Variants in MDN1 observed in about 807,000 individuals in gnomAD.
The protein encoded by MDN1 is midasin AAA ATPase 1.
Under a neutral mutation model 669.2 loss-of-function variants are expected in MDN1, and 266 were observed. That is an observed-to-expected ratio of 0.40 (90% CI 0.36 to 0.44). The LOEUF (loss-of-function observed/expected upper bound fraction) is 0.44. MDN1 is among the 20% of genes least tolerant of loss of function. The pLI, the probability that MDN1 is intolerant of heterozygous loss-of-function variation, is 1.00. For missense variants in MDN1, 5,940 were observed against 6,754.0 expected (o/e 0.88, Z 4.22); for synonymous variants, 2,385 against 2,457.1 (o/e 0.97, Z 0.87).
At chr6:89,777,550 G>C (rs1584355511) in intron 11 of MDN1, among the ~76,000 whole-genome samples, 2 of 152,288 alleles carry the variant, frequency 1.3e-5, no homozygotes, top group African/African-American at 4.8e-5. Flanking sequence ...TTAGGATTAT[G>C]GGAGGGGCCT....
In MDN1 at chr6:89,758,893, G is replaced by A. The variant is rs766408683; in HGVS notation, c.2528C>T (p.Pro843Leu). 5 of 1,613,934 alleles carry A rather than the reference G, an allele frequency of 3.1e-6. No homozygotes were observed. Among genetic ancestry groups the A allele is most frequent in the Non-Finnish European group, 4.2e-6 (5 of 1,179,956 alleles). ...ACCACTCAGACATTCTAGTATTTCT[G>A]GAGCAGCCAAGTTAATCTCATCCAA... Reference protein sequence around the residue: ...ILLDEINLAAPEILECLSGLL... With the variant: ...ILLDEINLAALEILECLSGLL... Residue 843 changes from proline to leucine, a missense_variant, in exon 18 of 102, where the codon CCA (proline) becomes CTA (leucine). Pro to Leu is a moderately conservative substitution (Grantham distance 98, BLOSUM62 -3). Around this residue, in one of 5 missense-constraint regions of MDN1, gnomAD observed 1,203 missense variants for 1,268.9 expected, o/e 0.95. Transcript: ENST00000369393.
At position 89,713,187 on chromosome 6, in the gene MDN1, T is replaced by C. The variant is rs1309766464; in HGVS notation, c.7179A>G (p.Glu2393=). Residue 2393 remains glutamate, a synonymous_variant, in exon 47 of 102, where the codon GAA becomes GAG. Coordinates refer to ENST00000369393, the MANE Select transcript of MDN1 (RefSeq NM_014611.3). ...LDRAFSEACW[E]VYVCSQHSPA... Reference sequence around the variant, plus strand: ...GTGAATGCTGGGAACAGACATATACTTCCCAGCATGCTTCAGAAAAGGCTC... The same window carrying C: ...GTGAATGCTGGGAACAGACATATACCTCCCAGCATGCTTCAGAAAAGGCTC... 3 of 1,614,098 alleles carry C rather than the reference T, an allele frequency of 1.9e-6. No homozygotes were observed. Among genetic ancestry groups the C allele is most frequent in the East Asian group, 2.2e-5 (1 of 44,868 alleles).
rs1325283326 is a variant in MDN1, at chr6:89,803,317, T to C, written c.329+11A>G. 3 of 1,608,108 alleles carry C rather than the reference T, an allele frequency of 1.9e-6. No individual in the cohort carries two copies. Among genetic ancestry groups the C allele is most frequent in the Non-Finnish European group, 1.7e-6 (2 of 1,174,610 alleles). On this transcript the variant is annotated intron_variant, in intron 2 of 101. Coordinates refer to ENST00000369393, the MANE Select transcript of MDN1 (RefSeq NM_014611.3). The stretch of plus-strand genomic sequence containing the variant: ...TCAAGGAGAAATGCGAATAATAAAA[T>C]TGCTACTCACGGGAGGACATCAGGA...
chr6:89,690,001 C>T lies in MDN1; in HGVS notation c.10892G>A (p.Cys3631Tyr), dbSNP rs1812277782. The T allele has an allele frequency of 2.5e-6, 4 of 1,614,176 alleles. No homozygotes were observed. Among genetic ancestry groups the T allele is most frequent in the Non-Finnish European group, 3.4e-6 (4 of 1,180,042 alleles). ...QAVMLIHQQLCLNFARSLWYQ... is the reference protein window; with the variant it reads ...QAVMLIHQQLYLNFARSLWYQ... Reference sequence around the variant, plus strand: ...CCAGAGGGATCGAGCAAAGTTGAGACACAATTGCTGGTGTATCAGCATTAC... The same window carrying T: ...CCAGAGGGATCGAGCAAAGTTGAGATACAATTGCTGGTGTATCAGCATTAC... Residue 3631 changes from cysteine (C) to tyrosine (Y), a missense_variant, in exon 65 of 102, where the codon TGT becomes TAT. This residue lies in a region of MDN1 where 2,280 missense variants were observed against 2,576.3 expected (regional missense o/e 0.88). Coordinates refer to ENST00000369393, the MANE Select transcript of MDN1 (RefSeq NM_014611.3).
chr6:89,704,252 G>A (rs1273740134), intron 53 of MDN1, among the ~76,000 whole-genome samples: 11 of 152,140 alleles, frequency 7.2e-5, no homozygotes, highest in East Asian at 3.9e-4. Context: ...GTGGTGGCAC[G>A]TGCCTGTAGT....
intron 46 of MDN1, among the ~76,000 whole-genome samples, chr6:89,714,105 T>C (rs1814160136): frequency 6.6e-6 from 1 of 151,878 alleles, no homozygotes; most frequent in South Asian, 2.1e-4. Context: ...AGAGTAGTTA[T>C]CCAACAAGCA....
intron 69 of MDN1, among the ~76,000 whole-genome samples, chr6:89,686,317 G>A (rs1812000570): frequency 6.6e-6 from 1 of 152,090 alleles, no homozygotes; most frequent in African/African-American, 2.4e-5. Context: ...CCCAGCTACT[G>A]AGAAGGCTGA....
rs552367115 is a variant in MDN1, at chr6:89,810,505, G to A, written c.103-6951C>T. Among the ~76,000 whole-genome samples, 11 of 152,184 alleles carry A rather than the reference G, an allele frequency of 7.2e-5. 1 individual carries two copies. The South Asian group carries it at 1.9e-3, about 26-fold the overall frequency. On this transcript the variant is annotated intron_variant, in intron 1 of 101. Transcript: ENST00000369393. The stretch of plus-strand genomic sequence containing the variant: ...GTGTTGTCTCACAATTCTAAAGTTT[G>A]GAAGTCCAAGATCAGGGTGTCAGCA...
chr6:89,776,926 A>T (rs188086171), intron 11 of MDN1, among the ~76,000 whole-genome samples: 400 of 152,082 alleles, frequency 2.6e-3, no homozygotes, highest in African/African-American at 9.1e-3. Context: ...CTTGCCAAAT[A>T]AAAAAAACAA....
At position 89,643,233 on chromosome 6, in the gene MDN1, G is replaced by C. The variant is rs773597726; in HGVS notation, c.*772C>G. Reference sequence around the variant, plus strand: ...CTTGACTGTTAAGAAAAAAAAAAATGAACTAAACAAATAAATTACTACAAC... The same window carrying C: ...CTTGACTGTTAAGAAAAAAAAAAATCAACTAAACAAATAAATTACTACAAC... On this transcript the variant is annotated 3_prime_UTR_variant, in exon 102 of 102. Transcript: ENST00000369393. 3 of 151,940 alleles carry C rather than the reference G, an allele frequency of 2.0e-5. No individual in the cohort carries two copies. The highest frequency in any genetic ancestry group is 4.4e-5 in the Non-Finnish European group (3 of 67,970). 9.4% of individuals were successfully genotyped at this position (151,940 alleles called of 1,614,324 possible).
chr6:89,803,455 G>C lies in MDN1; in HGVS notation c.202C>G (p.Leu68Val). Residue 68 changes from leucine (L) to valine (V), a missense_variant, in exon 2 of 102, where the codon CTC (leucine) becomes GTC (valine). Leu to Val is a conservative substitution (Grantham distance 32). Coordinates refer to ENST00000369393, the MANE Select transcript of MDN1 (RefSeq NM_014611.3). ...TVLVGRQLRPLLLDLLERNAE... is the reference protein window; with the variant it reads ...TVLVGRQLRPVLLDLLERNAE... ...TTCCTTTCCAGCAAATCCAAAAGGA[G>C]AGGGCGAAGCTGGCGACCAACCAGC... The C allele has an allele frequency of 6.2e-7, 1 of 1,614,154 alleles. No homozygotes were observed. The highest frequency in any genetic ancestry group is 8.5e-7 in the Non-Finnish European group (1 of 1,180,034).
intron 23 of MDN1, among the ~76,000 whole-genome samples, chr6:89,750,883 A>G (rs1351851121): frequency 6.6e-6 from 1 of 150,966 alleles, no homozygotes; most frequent in African/African-American, 2.4e-5. Flanking sequence ...GATTACAGGC[A>G]TGAGCCACTG....
intron 79 of MDN1, 146 bp downstream of exon 79, chr6:89,673,958 C>CAAA: frequency 6.1e-6 from 2 of 325,942 alleles, no homozygotes; most frequent in Non-Finnish European, 5.7e-6. Flanking sequence ...CCCACCCCAT[C>CAAA]CCCCAAACCG....
intron 53 of MDN1, among the ~76,000 whole-genome samples, chr6:89,702,462 A>T (rs1387865871): frequency 3.9e-5 from 6 of 152,170 alleles, no homozygotes; most frequent in Non-Finnish European, 7.4e-5. Context: ...GCTGTTAATG[A>T]TTTTAACTTT....
chr6:89,708,345 T>C (rs1259674295), intron 51 of MDN1, 151 bp downstream of exon 51: 1 of 944,526 alleles, frequency 1.1e-6, no homozygotes, highest in East Asian at 2.5e-5. Context: ...AATATGATTA[T>C]CGTATGATAA....
rs1175476772 is a variant in MDN1 at position 89,674,165 on chromosome 6, T to C, written c.13186A>G (p.Thr4396Ala). ...RLTEMLKTIK[T>A]VKADVDKIRQ... ...ATTTTGTCGACGTCAGCTTTCACTG[T>C]TTTAATGGTTTTTAGCATCTCTGTT... Residue 4396 changes from threonine (T) to alanine (A), a missense_variant, in exon 79 of 102, where the codon ACA (threonine) becomes GCA (alanine). Transcript: ENST00000369393. 3.1e-6 allele frequency: 5 copies of C among 1,614,070 alleles called. No individual in the cohort carries two copies. The African/African-American group carries it at 4.0e-5, about 13-fold the overall frequency.
chr6:89,717,698 A>C (rs1439571087), intron 43 of MDN1, among the ~76,000 whole-genome samples: 1 of 152,218 alleles, frequency 6.6e-6, no homozygotes, highest in Non-Finnish European at 1.5e-5. Flanking sequence ...TCAAATCAAC[A>C]ATGAAGAAAG....
intron 9 of MDN1, among the ~76,000 whole-genome samples, chr6:89,784,361 T>G (rs552402519): frequency 2.6e-5 from 4 of 152,204 alleles, no homozygotes; most frequent in Non-Finnish European, 4.4e-5. Flanking sequence ...GTTTGTTTGG[T>G]GTCACATATT....
At chr6:89,780,568 C>T (rs148685626) in intron 10 of MDN1, among the ~76,000 whole-genome samples, 220 of 152,096 alleles carry the variant, frequency 1.4e-3, no homozygotes, top group African/African-American at 4.8e-3. Context: ...TTACTCTCTG[C>T]CATCCATGCC....
Sources: gnomAD v4.1 joint callset for allele counts (sites outside exome capture counted in the v4.1 genomes callset) on GRCh38, gnomAD v4.1.1 for gene constraint, gnomAD v4.1.1 regional missense constraint, MANE v1.5 for transcripts, NCBI Gene and HGNC (gene_info 2026-07-23, HGNC 2026-07-21) for gene names.